The following CNIH3 variants were observed in gnomAD, a reference collection of about 807,000 sequenced individuals.
The protein encoded by CNIH3 is protein cornichon homolog 3.
A neutral mutation model predicts 24.1 loss-of-function variants in CNIH3; 14 were observed. The observed-to-expected ratio is 0.58, with a 90% confidence interval of 0.38 to 0.91. The LOEUF is 0.91. CNIH3 is among the 40% of genes least tolerant of loss of function. The pLI, the probability that CNIH3 is intolerant of heterozygous loss-of-function variation, is 0.00. For synonymous variants in CNIH3, 68 were observed against 73.8 expected (o/e 0.92, Z 0.40); for missense variants, 178 against 196.8 (o/e 0.90, Z 0.57).
Position 224,704,192 on chromosome 1 carries a change from C to T in CNIH3, c.198+19349C>T, listed in dbSNP as rs1458586065. ...GGCTGCATCACCTACAGAGCAGGAC[C>T]TCCATGAGTCTCAGGTCATCAAAGA... On this transcript the variant is annotated intron_variant, in intron 3 of 5. Coordinates refer to ENST00000272133, the MANE Select transcript of CNIH3 (RefSeq NM_152495.2). The surrounding 1 kb of genome is among the most constrained non-coding windows in gnomAD (Gnocchi z 4.2). 6.6e-6 allele frequency among the ~76,000 whole-genome samples: 1 copy of T among 150,476 alleles called. No individual in the cohort carries two copies. Among genetic ancestry groups the T allele is most frequent in the Non-Finnish European group, 1.5e-5 (1 of 68,018 alleles).
intron 1 of CNIH3, among the ~76,000 whole-genome samples, chr1:224,506,330 G>A (rs965412701): frequency 1.3e-5 from 2 of 152,066 alleles, no homozygotes; most frequent in African/African-American, 4.8e-5. Context: ...TCCCAGAACC[G>A]TGGGATGTAA....
chr1:224,659,275 G>A lies in CNIH3; in HGVS notation c.82-21683G>A, dbSNP rs964886331. 6.3e-4 allele frequency among the ~76,000 whole-genome samples: 96 copies of A among 152,192 alleles called. 2 individuals are homozygous for A. Among genetic ancestry groups the A allele is most frequent in the African/African-American group, 2.2e-3 (91 of 41,430 alleles). On this transcript the variant is annotated intron_variant, in intron 1 of 5. Coordinates refer to ENST00000272133, the MANE Select transcript of CNIH3 (RefSeq NM_152495.2). ...GTGCCTTTTTCAGACCCAGGAGTCA[G>A]TGCCCCGTAACTTAATAGCACAAGG...
upstream of CNIH3, chr1:224,513,907 C>T (rs961311058): frequency 1.3e-5 from 2 of 152,204 alleles, no homozygotes; most frequent in African/African-American, 4.8e-5. Flanking sequence ...GCACCAAACC[C>T]GCACGTTTCT....
intron 3 of CNIH3, among the ~76,000 whole-genome samples, chr1:224,561,521 T>C (rs778415299): frequency 6.6e-6 from 1 of 152,200 alleles, no homozygotes; most frequent in Non-Finnish European, 1.5e-5. Context: ...CGTCTGTCCC[T>C]CATTGACATG....
At chr1:224,511,828 T>C (rs1019637291), upstream of CNIH3, among the ~76,000 whole-genome samples, 8 of 152,124 alleles carry the variant, frequency 5.3e-5, no homozygotes, top group Admixed American at 1.3e-4. Context: ...CACTCCAACC[T>C]GGGTGACAGG....
chr1:224,568,736 A>C (rs111288937), intron 4 of CNIH3, among the ~76,000 whole-genome samples: 111 of 152,330 alleles, frequency 7.3e-4, no homozygotes, highest in African/African-American at 2.6e-3. Context: ...CCTGGGTGAC[A>C]GAGCAAGACC....
At chr1:224,733,581 T>C (rs538670382) in intron 4 of CNIH3, among the ~76,000 whole-genome samples, 1 of 152,334 alleles carries the variant, frequency 6.6e-6, no homozygotes, top group African/African-American at 2.4e-5. Flanking sequence ...AGTTGCTACA[T>C]TGCAGGATGT....
intron 1 of CNIH3, among the ~76,000 whole-genome samples, chr1:224,678,239 G>A (rs1686232311): frequency 6.6e-6 from 1 of 152,182 alleles, no homozygotes; most frequent in African/African-American, 2.4e-5. Flanking sequence ...TGTGCAGAAT[G>A]AGGTGGACTG....
intron 2 of CNIH3, among the ~76,000 whole-genome samples, chr1:224,522,283 A>T (rs147875495): frequency 1.3e-5 from 2 of 152,362 alleles, no homozygotes; most frequent in African/African-American, 4.8e-5. Context: ...ACAACACTGT[A>T]CTTTGCAGGG....
At chr1:224,613,541 C>T (rs938872680), upstream of CNIH3, among the ~76,000 whole-genome samples, 1 of 152,158 alleles carries the variant, frequency 6.6e-6, no homozygotes, top group Non-Finnish European at 1.5e-5. Flanking sequence ...CTGCCCAAAT[C>T]TCATGTTGAA....
chr1:224,499,902 AAAAAAAAAAAAAG>A, intron 1 of CNIH3, among the ~76,000 whole-genome samples: 1 of 117,912 alleles, frequency 8.5e-6, no homozygotes, highest in Non-Finnish European at 1.6e-5. Context: ...TATCTCTACC[AAAAAAAAAAAAAG>A]AAAAAAGAAA....
At chr1:224,469,068 C>T (rs1417732608) in intron 1 of CNIH3, among the ~76,000 whole-genome samples, 1 of 151,168 alleles carries the variant, frequency 6.6e-6, no homozygotes, top group African/African-American at 2.4e-5. Flanking sequence ...GGTCATATGA[C>T]TTTTCTTCTT....
chr1:224,651,506 C>T (rs144933753), intron 1 of CNIH3, among the ~76,000 whole-genome samples: 5 of 152,232 alleles, frequency 3.3e-5, no homozygotes, highest in African/African-American at 1.2e-4. Flanking sequence ...TCAGGGTTGC[C>T]GGTGTTAGCA....
At chr1:224,710,136 A>G (rs1688058574) in intron 3 of CNIH3, among the ~76,000 whole-genome samples, 1 of 152,240 alleles carries the variant, frequency 6.6e-6, no homozygotes, top group Non-Finnish European at 1.5e-5. Context: ...TTTAAATAGT[A>G]GAAAGTGAGA....
intron 4 of CNIH3, among the ~76,000 whole-genome samples, chr1:224,580,987 T>A (rs1681252291): frequency 6.6e-6 from 1 of 152,192 alleles, no homozygotes; most frequent in South Asian, 2.1e-4. Context: ...GAGGATAGGC[T>A]GTTAATTTAC....
chr1:224,602,037 GTA>G (rs1244318424), intron 3 of CNIH3, among the ~76,000 whole-genome samples: 1 of 152,128 alleles, frequency 6.6e-6, no homozygotes, highest in Non-Finnish European at 1.5e-5. Context: ...AATATAGTTT[GTA>G]TATTATTTTG....
chr1:224,709,848 G>A (rs567582920), intron 3 of CNIH3, among the ~76,000 whole-genome samples: 1 of 152,324 alleles, frequency 6.6e-6, no homozygotes, highest in Admixed American at 6.5e-5. Flanking sequence ...TGGGGCATAT[G>A]TTCTGAGATC....
chr1:224,519,683 A>G (rs1176964163), intron 1 of CNIH3, among the ~76,000 whole-genome samples: 1 of 150,094 alleles, frequency 6.7e-6, no homozygotes, highest in Non-Finnish European at 1.5e-5. Flanking sequence ...GGAAATATGT[A>G]TATGTATACT....
intron 3 of CNIH3, among the ~76,000 whole-genome samples, chr1:224,600,315 G>A (rs1487763752): frequency 2.0e-5 from 3 of 151,450 alleles, no homozygotes; most frequent in Admixed American, 6.6e-5. Flanking sequence ...TCAGCCTCCC[G>A]AGTAGCTGTG....
Sources: gnomAD v4.1 joint callset for allele counts (sites outside exome capture counted in the v4.1 genomes callset) on GRCh38, gnomAD v4.1.1 for gene constraint, Gnocchi (gnomAD v3.1) non-coding constraint, MANE v1.5 for transcripts, NCBI Gene and HGNC (gene_info 2026-07-23, HGNC 2026-07-21) for gene names.